The following PRKG1 variants were observed in gnomAD, a reference collection of about 807,000 sequenced individuals.
PRKG1 encodes protein kinase cGMP-dependent 1.
In PRKG1, 35 loss-of-function variants were observed where a neutral mutation model predicts 88.1. The observed-to-expected ratio is 0.40, with a 90% confidence interval of 0.30 to 0.53. The LOEUF is 0.53. Among genes scored for constraint, PRKG1 ranks in the 20% least tolerant of loss-of-function variants. The pLI, the probability that PRKG1 is intolerant of heterozygous loss-of-function variation, is 0.59. For synonymous variants in PRKG1, 303 were observed against 292.5 expected, an observed-to-expected ratio of 1.04 and a Z score of -0.37; for missense variants, 540 against 839.8, an observed-to-expected ratio of 0.64 and a Z score of 4.41.
intron 4 of PRKG1, among the ~76,000 whole-genome samples, chr10:51,826,876 C>T (rs1327876118): frequency 6.6e-6 from 1 of 152,184 alleles, no homozygotes; most frequent in African/African-American, 2.4e-5. Context: ...TAATTTTACT[C>T]TTGTTATTGC....
chr10:51,015,755 T>A (rs1564571136), intron 1 of PRKG1, among the ~76,000 whole-genome samples: 1 of 152,144 alleles, frequency 6.6e-6, no homozygotes, highest in Admixed American at 6.5e-5. Context: ...GGCAAGGTGG[T>A]GGGCATCTAT....
chr10:51,351,133 C>T (rs752741701), intron 2 of PRKG1, among the ~76,000 whole-genome samples: 1 of 152,072 alleles, frequency 6.6e-6, no homozygotes, highest in Non-Finnish European at 1.5e-5. Flanking sequence ...ATATATGTGC[C>T]ACATTTTCTT....
intron 3 of PRKG1, chr10:51,696,138 T>G (rs1264114050): frequency 6.6e-6 from 1 of 152,184 alleles, no homozygotes; most frequent in African/African-American, 2.4e-5. Flanking sequence ...GTAAGTCAAG[T>G]GAGTATTCAG....
chr10:51,187,173 C>A (rs1314117665), intron 2 of PRKG1, among the ~76,000 whole-genome samples: 18 of 151,450 alleles, frequency 1.2e-4, no homozygotes. Context: ...TGGTATGAAT[C>A]AAATCATATA....
intron 9 of PRKG1, among the ~76,000 whole-genome samples, chr10:52,170,878 TCGG>T (rs34303555): frequency 0.74 from 112,352 of 151,668 alleles, 41,758 homozygotes; most frequent in Admixed American, 0.8. Flanking sequence ...AGGTTGCTCT[TCGG>T]CGGCTTTCAG....
chr10:52,181,039 T>A (rs1241487949), intron 9 of PRKG1, among the ~76,000 whole-genome samples: 4 of 152,190 alleles, frequency 2.6e-5, no homozygotes, highest in Non-Finnish European at 1.5e-5. Context: ...TGTGTGTCTA[T>A]CAGGGGCAGC....
At chr10:52,057,449 G>A (rs1294076655) in intron 6 of PRKG1, among the ~76,000 whole-genome samples, 1 of 152,152 alleles carries the variant, frequency 6.6e-6, no homozygotes, top group Non-Finnish European at 1.5e-5. Flanking sequence ...AACGTGAGTT[G>A]CTTCTCCAAC....
chr10:51,567,421 T>TA (rs1564553204), intron 3 of PRKG1, among the ~76,000 whole-genome samples: 1 of 151,982 alleles, frequency 6.6e-6, no homozygotes, highest in African/African-American at 2.4e-5. Context: ...AGGCAGCACT[T>TA]ATGTGGTTAG....
intron 2 of PRKG1, among the ~76,000 whole-genome samples, chr10:51,310,782 G>T (rs1202430773): frequency 2.0e-5 from 3 of 152,008 alleles, no homozygotes; most frequent in Admixed American, 6.6e-5. Flanking sequence ...GAGACAAGGT[G>T]CCCCCATTAT....
At chr10:51,875,469 C>T (rs892052760) in intron 4 of PRKG1, among the ~76,000 whole-genome samples, 1 of 151,990 alleles carries the variant, frequency 6.6e-6, no homozygotes, top group Non-Finnish European at 1.5e-5. Context: ...GACAGGGTCT[C>T]GCTATGCTGC....
intron 1 of PRKG1, among the ~76,000 whole-genome samples, chr10:51,102,406 T>C (rs1317688730): frequency 6.6e-6 from 1 of 151,976 alleles, no homozygotes; most frequent in Non-Finnish European, 1.5e-5. Flanking sequence ...TATTTATTAC[T>C]GTAAGTTTAA....
At chr10:51,241,686 C>T (rs371432865) in intron 2 of PRKG1, among the ~76,000 whole-genome samples, 2 of 152,268 alleles carry the variant, frequency 1.3e-5, no homozygotes, top group African/African-American at 4.8e-5. Flanking sequence ...TTGTTGTCAA[C>T]TACTCTTTCT....
intron 5 of PRKG1, among the ~76,000 whole-genome samples, chr10:52,043,004 T>C (rs1845784999): frequency 6.6e-6 from 1 of 152,130 alleles, no homozygotes; most frequent in Admixed American, 6.5e-5. Context: ...CAGGGAAATG[T>C]GAATCAGAAC....
chr10:51,213,851 G>A (rs189303181), intron 2 of PRKG1, among the ~76,000 whole-genome samples: 28 of 152,048 alleles, frequency 1.8e-4, no homozygotes, highest in Non-Finnish European at 3.7e-4. Context: ...GTTACAGAAT[G>A]GGAAGTTGTT....
intron 3 of PRKG1, among the ~76,000 whole-genome samples, chr10:51,719,303 T>C (rs1013364926): frequency 2.6e-5 from 4 of 152,120 alleles, no homozygotes; most frequent in African/African-American, 9.7e-5. Context: ...GAAAAAGCAG[T>C]AACTTTATAA....
chr10:51,897,091 A>G (rs1841870064), intron 4 of PRKG1, among the ~76,000 whole-genome samples: 1 of 152,180 alleles, frequency 6.6e-6, no homozygotes, highest in African/African-American at 2.4e-5. Context: ...TGCATAATAG[A>G]CTGAACCAGG....
At chr10:52,052,417 AAAAAT>A (rs1398187670) in intron 5 of PRKG1, among the ~76,000 whole-genome samples, 1 of 140,766 alleles carries the variant, frequency 7.1e-6, no homozygotes, top group African/African-American at 2.5e-5. Flanking sequence ...TCTCTACAAA[AAAAAT>A]AAAATAATAA....
At chr10:51,528,072 A>G (rs755941499) in intron 3 of PRKG1, among the ~76,000 whole-genome samples, 6 of 152,184 alleles carry the variant, frequency 3.9e-5, no homozygotes, top group Non-Finnish European at 7.3e-5. Flanking sequence ...CTATCATCCA[A>G]TTTCAAAAGA....
At chr10:52,020,339 A>G (rs1170470587) in intron 5 of PRKG1, among the ~76,000 whole-genome samples, 1 of 152,124 alleles carries the variant, frequency 6.6e-6, no homozygotes, top group Non-Finnish European at 1.5e-5. Context: ...TGTCAAAAGT[A>G]TTTGTTGACT....
Sources: gnomAD v4.1 joint callset for allele counts (sites outside exome capture counted in the v4.1 genomes callset) on GRCh38, gnomAD v4.1.1 for gene constraint, MANE v1.5 for transcripts, NCBI Gene and HGNC (gene_info 2026-07-23, HGNC 2026-07-21) for gene names.